Variants in ENOSF1 observed in about 807,000 individuals in gnomAD.
ENOSF1 encodes the protein mitochondrial enolase superfamily member 1.
Under a neutral mutation model 68.2 loss-of-function variants are expected in ENOSF1, and 73 were observed. The observed-to-expected ratio is 1.07, with a 90% CI of 0.89 to 1.30. The LOEUF is 1.30. Ranked by LOEUF, ENOSF1 falls within the 50% of genes most tolerant of loss-of-function variation. The pLI is 0.00. For synonymous variants in ENOSF1, 223 were observed against 210.4 expected (o/e 1.06, Z -0.52); for missense variants, 589 against 554.5 (o/e 1.06, Z -0.62).
chr18:699,539 A>G (rs956034201), intron 2 of ENOSF1, among the ~76,000 whole-genome samples: 3 of 152,112 alleles, frequency 2.0e-5, no homozygotes, highest in African/African-American at 7.2e-5. Flanking sequence ...AAGATGATGA[A>G]TAAGTAAAGT....
intron 2 of ENOSF1, among the ~76,000 whole-genome samples, chr18:698,852 GCT>G: frequency 6.6e-6 from 1 of 152,036 alleles, no homozygotes; most frequent in Non-Finnish European, 1.5e-5. Context: ...GAGCTCCTGA[GCT>G]CAAGTGATAC....
rs1364229984 is a variant in ENOSF1, at chr18:672,628, C to T, written c.*1677G>A. 7 of 357,720 alleles carry T rather than the reference C, an allele frequency of 2.0e-5. No homozygotes were observed. Among genetic ancestry groups the T allele is most frequent in the Non-Finnish European group, 3.5e-5 (7 of 198,010 alleles). The allele number at this position is 357,720 out of a possible 1,614,324, so 22.2% of individuals were successfully genotyped here. A position where few individuals can be genotyped will look rare whatever the true frequency, so the allele number is the denominator to read the frequency against. ...AACTTACACCTGATGAGGCACCAGG[C>T]TCCTGATGCTGTGTAATGTCACAAA... On this transcript the variant is annotated 3_prime_UTR_variant, in exon 16 of 16. Coordinates refer to ENST00000647584, the MANE Select transcript of ENOSF1 (RefSeq NM_017512.7).
rs1009401876 is a variant in ENOSF1 at position 688,597 on chromosome 18, C to G, written c.630G>C (p.Gln210His). The G allele has an allele frequency of 1.9e-6, 3 of 1,614,092 alleles. No homozygotes were observed. Among genetic ancestry groups the G allele is most frequent in the Non-Finnish European group, 2.5e-6 (3 of 1,180,002 alleles). The change falls in exon 9 of 16, where the codon CAG becomes CAC. Residue 210 changes from glutamine (Q) to histidine (H), a missense_variant. Coordinates refer to ENST00000647584, the MANE Select transcript of ENOSF1 (RefSeq NM_017512.7). ...ACCTGGTCCAGCCATCCTTCAGCGC[C>G]TGGGCACAGAGCTGTGGGAAAGGAG... Reference protein sequence around the residue: ...SDDTLKQLCAQALKDGWTRFK... With the variant: ...SDDTLKQLCAHALKDGWTRFK...
chr18:685,140 A>G (rs1023508916), intron 10 of ENOSF1, among the ~76,000 whole-genome samples: 3 of 152,122 alleles, frequency 2.0e-5, no homozygotes, highest in Non-Finnish European at 4.4e-5. Flanking sequence ...TTAGGATTAT[A>G]GGCATGAGCC....
chr18:688,833 T>G (rs1399738097), intron 8 of ENOSF1, among the ~76,000 whole-genome samples: 1 of 152,212 alleles, frequency 6.6e-6, no homozygotes, highest in African/African-American at 2.4e-5. Context: ...ATTTTTTTAA[T>G]GGTCACAACC....
Position 686,024 on chromosome 18 carries a change from G to T in ENOSF1, c.654-16C>A. 1 of 1,606,126 alleles carries T rather than the reference G, an allele frequency of 6.2e-7. No individual in the cohort carries two copies. The highest frequency in any genetic ancestry group is 8.5e-7 in the Non-Finnish European group (1 of 1,172,762). The stretch of plus-strand genomic sequence containing the variant: ...TACTTTAAACCTAGAAAATGCATTT[G>T]GTTTGCTAGTTTAGACCTGTACCTG... On this transcript the variant is annotated splice_polypyrimidine_tract_variant and intron_variant, in intron 9 of 15. Transcript: ENST00000647584.
rs1249524231 is a variant in ENOSF1, at chr18:706,458, T to A, written c.193+12A>T. On this transcript the variant is annotated intron_variant, in intron 2 of 15. Coordinates refer to ENST00000647584, the MANE Select transcript of ENOSF1 (RefSeq NM_017512.7). Reference sequence around the variant, plus strand: ...TAAGCATTCTGGAACCTCGAGAGAATCTTCAACTCACCAACTTCAGTGCCT... The same window carrying A: ...TAAGCATTCTGGAACCTCGAGAGAAACTTCAACTCACCAACTTCAGTGCCT... 1.9e-6 allele frequency: 3 copies of A among 1,562,844 alleles called. No individual in the cohort carries two copies. Among genetic ancestry groups the A allele is most frequent in the African/African-American group, 2.7e-5 (2 of 73,934 alleles).
intron 1 of ENOSF1, 24 bp downstream of exon 1, chr18:712,480 G>A (rs1469842619): frequency 6.5e-7 from 1 of 1,535,038 alleles, no homozygotes; most frequent in Non-Finnish European, 8.7e-7. Flanking sequence ...TGGCGTCCGC[G>A]CTTACCATGG....
intron 1 of ENOSF1, chr18:712,242 C>G (rs1369364431): frequency 2.0e-6 from 3 of 1,515,832 alleles, no homozygotes; most frequent in Non-Finnish European, 2.7e-6. Flanking sequence ...GCGAGTGTCT[C>G]CCCCAGGCGC....
At chr18:691,362 TAG>T in intron 5 of ENOSF1, 86 bp from the exon 6 acceptor site, 2 of 1,132,398 alleles carry the variant, frequency 1.8e-6, no homozygotes, top group South Asian at 1.5e-5. Flanking sequence ...ATTCTTTTTT[TAG>T]AGACAAGGTC....
chr18:683,138 AG>A, intron 11 of ENOSF1, 107 bp downstream of exon 11: 1 of 1,348,310 alleles, frequency 7.4e-7, no homozygotes, highest in Non-Finnish European at 1.0e-6. Flanking sequence ...CTACTTCAAC[AG>A]GAAATGCAAG....
chr18:693,664 C>T (rs985113425), intron 5 of ENOSF1: 2 of 985,400 alleles, frequency 2.0e-6, no homozygotes, highest in Non-Finnish European at 2.4e-6. Context: ...AGGACCCCCT[C>T]ACTGCTTCCC....
downstream of ENOSF1, among the ~76,000 whole-genome samples, chr18:667,155 T>A (rs374019755): frequency 2.3e-3 from 148 of 63,332 alleles, no homozygotes; most frequent in African/African-American, 5.4e-3. Flanking sequence ...ATGGTGATGG[T>A]GATGGAGATG....
intron 7 of ENOSF1, 71 bp from the exon 8 acceptor site, chr18:690,702 A>AAGCTGTTGCCCCTGGAGAGTCC: frequency 6.3e-7 from 1 of 1,579,840 alleles, no homozygotes; most frequent in Non-Finnish European, 8.6e-7. Flanking sequence ...GCCTGTAGCT[A>AAGCTGTTGCCCCTGGAGAGTCC]AGCTGTTTCC....
chr18:706,815 A>ATATTTT lies in ENOSF1; in HGVS notation c.85-238_85-237insAAAATA, dbSNP rs760562263. 6.5e-4 allele frequency: 85 copies of ATATTTT among 131,026 alleles called. 1 individual carries two copies. In the East Asian group the frequency reaches 0.012, roughly 18 times the overall value. 8.1% of individuals were successfully genotyped at this position (131,026 alleles called of 1,614,324 possible). ...GAGCAATGTATGTATATATATATAT[A>ATATTTT]TTTTTTTTTTTTTTCTTTTTTGAGA... is the stretch of plus-strand genomic sequence containing the variant. On this transcript the variant is annotated intron_variant, in intron 1 of 15. Coordinates refer to ENST00000647584, the MANE Select transcript of ENOSF1 (RefSeq NM_017512.7).
chr18:687,289 C>G (rs1475970114), intron 9 of ENOSF1: 1 of 152,232 alleles, frequency 6.6e-6, no homozygotes, highest in African/African-American at 2.4e-5. Context: ...CTGCCTCCTT[C>G]AAGTTCTCAC....
chr18:694,141 G>GT, intron 4 of ENOSF1, 107 bp downstream of exon 4: 2 of 1,220,832 alleles, frequency 1.6e-6, no homozygotes, highest in Non-Finnish European at 2.3e-6. Flanking sequence ...GCAATTATCT[G>GT]TATTTCCTTT....
chr18:697,925 C>G (rs1353609550), intron 2 of ENOSF1, among the ~76,000 whole-genome samples: 2 of 152,118 alleles, frequency 1.3e-5, no homozygotes, highest in African/African-American at 2.4e-5. Context: ...TCTCGAGAAG[C>G]TAGGATTACA....
At position 670,521 on chromosome 18, in the gene ENOSF1, G is replaced by A; in HGVS notation, c.*3784C>T. On this transcript the variant is annotated 3_prime_UTR_variant, in exon 16 of 16. Coordinates refer to ENST00000647584, the MANE Select transcript of ENOSF1 (RefSeq NM_017512.7). Reference sequence around the variant, plus strand: ...TTGCACCGATGGATAGTCTCCCTCAGCTCCGTGCCATCGCTGCAGAGGCTG... The same window carrying A: ...TTGCACCGATGGATAGTCTCCCTCAACTCCGTGCCATCGCTGCAGAGGCTG... 1.5e-6 allele frequency: 1 copy of A among 649,522 alleles called. No individual in the cohort carries two copies. Among genetic ancestry groups the A allele is most frequent in the Non-Finnish European group, 2.6e-6 (1 of 380,370 alleles). 40.2% of individuals were successfully genotyped at this position (649,522 alleles called of 1,614,324 possible). A position where few individuals can be genotyped will look rare whatever the true frequency, so the allele number is the denominator to read the frequency against.
Sources: allele counts gnomAD v4.1 joint callset (sites outside exome capture counted in the v4.1 genomes callset), GRCh38; gene constraint gnomAD v4.1.1; transcripts MANE v1.5; gene names NCBI Gene and HGNC (gene_info 2026-07-23, HGNC 2026-07-21).